LRP12: variants seen among roughly 807,000 people sequenced by gnomAD.
LRP12 encodes the protein low-density lipoprotein receptor-related protein 12.
In LRP12, 14 loss-of-function variants were observed where a neutral mutation model predicts 66.0. The ratio of observed to expected loss-of-function variants is 0.21; its 90% CI spans 0.14 to 0.33. The LOEUF is 0.33. Ranked by LOEUF, LRP12 falls within the 10% of genes least tolerant of loss-of-function variation. LRP12 has a pLI of 1.00. For missense variants in LRP12, 889 were observed against 1,053.4 expected (o/e 0.84, Z 2.16); for synonymous variants, 357 against 359.1 (o/e 0.99, Z 0.07).
In LRP12 at chr8:104,490,912, C is replaced by T. The variant is rs1355439081; in HGVS notation, c.2341G>A (p.Asp781Asn). The T allele has an allele frequency of 1.9e-6, 3 of 1,614,128 alleles. No individual in the cohort carries two copies. The highest frequency in any genetic ancestry group is 2.2e-5 in the East Asian group (1 of 44,886). ...TTCACATCAAAGTCTGAAGATCCAT[C>T]AGAAATTGGAATTAGCATTTCAACA... is the stretch of plus-strand genomic sequence containing the variant. ...DDVEMLIPISDGSSDFDVNDC... is the reference protein window; with the variant it reads ...DDVEMLIPISNGSSDFDVNDC... Residue 781 changes from aspartate (D) to asparagine (N), a missense_variant, in exon 7 of 7, where the codon GAT (aspartate) becomes AAT (asparagine). Coordinates refer to ENST00000276654, the MANE Select transcript of LRP12 (RefSeq NM_013437.5).
At chr8:104,498,100 G>C (rs753916609) in intron 4 of LRP12, 24 bp from the exon 5 acceptor site, 1 of 1,529,900 alleles carries the variant, frequency 6.5e-7, no homozygotes, top group Non-Finnish European at 8.8e-7. Context: ...AGTAGAAATA[G>C]ATGGAAAGAG....
Position 104,489,853 on chromosome 8 carries a change from A to G in LRP12, c.*820T>C, listed in dbSNP as rs948366132. On this transcript the variant is annotated 3_prime_UTR_variant, in exon 7 of 7. Coordinates refer to ENST00000276654, the MANE Select transcript of LRP12 (RefSeq NM_013437.5). ...AAGCGCAACCCTGTATTAGGGAAAG[A>G]CATTACCAGGTGGAACTTATCTTGT... is the stretch of plus-strand genomic sequence containing the variant. The G allele has an allele frequency of 2.0e-5, 3 of 152,642 alleles. No individual in the cohort carries two copies. 9.5% of individuals were successfully genotyped at this position (152,642 alleles called of 1,614,324 possible).
intron 1 of LRP12, among the ~76,000 whole-genome samples, chr8:104,551,491 C>A (rs1025031565): frequency 8.5e-5 from 13 of 152,080 alleles, no homozygotes; most frequent in African/African-American, 3.1e-4. Flanking sequence ...TAGTACCCAA[C>A]AGGTAGTTTT....
chr8:104,503,292 A>C (rs1443746340), intron 3 of LRP12, among the ~76,000 whole-genome samples: 2 of 130,392 alleles, frequency 1.5e-5, no homozygotes, highest in Non-Finnish European at 3.1e-5. Flanking sequence ...GCGCCACTGC[A>C]CTCCAGCCTG....
chr8:104,562,936 A>T (rs184557528), intron 1 of LRP12, among the ~76,000 whole-genome samples: 1 of 152,340 alleles, frequency 6.6e-6, no homozygotes, highest in East Asian at 1.9e-4. Flanking sequence ...CAGCACCACA[A>T]GCAGATGAGT....
At chr8:104,586,484 G>T (rs1478127594) in intron 1 of LRP12, among the ~76,000 whole-genome samples, 1 of 152,116 alleles carries the variant, frequency 6.6e-6, no homozygotes, top group African/African-American at 2.4e-5. Flanking sequence ...AATTATTTTT[G>T]AAGCCTTTTA....
chr8:104,572,419 C>T (rs570204482), intron 1 of LRP12, among the ~76,000 whole-genome samples: 1 of 151,658 alleles, frequency 6.6e-6, no homozygotes, highest in African/African-American at 2.4e-5. Context: ...ATGTATAAAA[C>T]AAAATTTAAA....
In LRP12 at chr8:104,580,972, A is replaced by G. The variant is rs565436677; in HGVS notation, c.79+7847T>C. 4.6e-5 allele frequency among the ~76,000 whole-genome samples: 7 copies of G among 152,366 alleles called. No individual in the cohort carries two copies. In the East Asian group the frequency reaches 1.2e-3, roughly 25 times the overall value. On this transcript the variant is annotated intron_variant, in intron 1 of 6. Coordinates refer to ENST00000276654, the MANE Select transcript of LRP12 (RefSeq NM_013437.5). ...ATATAAATTGTTCTATTATAAAGAC[A>G]CATGCATGTGTTATGTTCCTTGTAG...
intron 1 of LRP12, among the ~76,000 whole-genome samples, chr8:104,582,301 T>C (rs1391919369): frequency 1.2e-4 from 18 of 152,168 alleles, no homozygotes; most frequent in Admixed American, 1.0e-3. Flanking sequence ...AGAGGAAAAC[T>C]AGAAAACTCT....
chr8:104,539,521 A>G (rs1208607883), intron 1 of LRP12, among the ~76,000 whole-genome samples: 1 of 152,134 alleles, frequency 6.6e-6, no homozygotes, highest in Non-Finnish European at 1.5e-5. Context: ...CTGATAGCAT[A>G]TTATACAACA....
At chr8:104,519,636 C>T (rs1273744219) in intron 2 of LRP12, among the ~76,000 whole-genome samples, 1 of 151,790 alleles carries the variant, frequency 6.6e-6, no homozygotes, top group Non-Finnish European at 1.5e-5. Flanking sequence ...ATTTACTAGT[C>T]TAAGATGGGA....
intron 1 of LRP12, among the ~76,000 whole-genome samples, chr8:104,542,994 A>AATATATATATATATATATAT (rs149279085): frequency 3.3e-4 from 47 of 144,122 alleles, no homozygotes; most frequent in South Asian, 1.3e-3. Context: ...AACACACACA[A>AATATATATATATATATATAT]ATATATATAT....
chr8:104,542,756 T>G (rs894299246), intron 1 of LRP12, among the ~76,000 whole-genome samples: 1 of 152,236 alleles, frequency 6.6e-6, no homozygotes, highest in East Asian at 1.9e-4. Flanking sequence ...GACTGTATTC[T>G]TACAATAAAG....
intron 2 of LRP12, among the ~76,000 whole-genome samples, chr8:104,529,088 C>T (rs1306076389): frequency 2.0e-5 from 3 of 152,066 alleles, no homozygotes; most frequent in African/African-American, 7.2e-5. Context: ...TACATCAGAA[C>T]GTAACTGGAT....
intron 5 of LRP12, 138 bp from the exon 6 acceptor site, chr8:104,495,347 A>G: frequency 2.4e-6 from 2 of 823,476 alleles, no homozygotes; most frequent in Non-Finnish European, 3.8e-6. Flanking sequence ...ACAAACATTT[A>G]CTGAATATAT....
chr8:104,544,794 C>T (rs182471191), intron 1 of LRP12, among the ~76,000 whole-genome samples: 11 of 152,222 alleles, frequency 7.2e-5, no homozygotes, highest in South Asian at 4.1e-4. Flanking sequence ...CACCCAATAG[C>T]GCTGATGGAG....
chr8:104,547,714 ATAT>A (rs1477709920), intron 1 of LRP12, among the ~76,000 whole-genome samples: 1 of 126,668 alleles, frequency 7.9e-6, no homozygotes, highest in Non-Finnish European at 1.6e-5. Context: ...ATATAATTCT[ATAT>A]TATGTTATAT....
intron 5 of LRP12, 191 bp from the exon 6 acceptor site, chr8:104,495,400 C>A (rs776009521): frequency 5.2e-5 from 28 of 534,884 alleles, no homozygotes; most frequent in South Asian, 1.5e-4. Flanking sequence ...CGCAGGCAGT[C>A]TGTCTTCATA....
chr8:104,492,755 A>AT (rs774903988), intron 6 of LRP12, among the ~76,000 whole-genome samples: 88 of 152,236 alleles, frequency 5.8e-4, no homozygotes, highest in South Asian at 1.5e-3. Flanking sequence ...TAAGGCACAG[A>AT]TTGTCAATAA....
Sources: gnomAD v4.1 joint callset for allele counts (sites outside exome capture counted in the v4.1 genomes callset) on GRCh38, gnomAD v4.1.1 for gene constraint, MANE v1.5 for transcripts, NCBI Gene and HGNC (gene_info 2026-07-23, HGNC 2026-07-21) for gene names.